The following COL14A1 variants were observed in gnomAD, a reference collection of about 807,000 sequenced individuals.
The protein encoded by COL14A1 is collagen type XIV alpha 1 chain, also known as collagen alpha-1(XIV) chain.
A neutral mutation model predicts 230.3 loss-of-function variants in COL14A1; 136 were observed. The ratio of observed to expected loss-of-function variants is 0.59; its 90% CI spans 0.51 to 0.68. The LOEUF (loss-of-function observed/expected upper bound fraction) is 0.68. COL14A1 is among the 30% of genes least tolerant of loss of function. The pLI is 0.00. For synonymous variants in COL14A1, 792 were observed against 784.1 expected, an observed-to-expected ratio of 1.01 and a Z score of -0.17; for missense variants, 1,976 against 2,215.8, an observed-to-expected ratio of 0.89 and a Z score of 2.17.
chr8:120,328,746 G>A (rs914464728), intron 40 of COL14A1, among the ~76,000 whole-genome samples: 13 of 152,208 alleles, frequency 8.5e-5, no homozygotes, highest in Non-Finnish European at 1.9e-4. Flanking sequence ...ATGATTGGGA[G>A]AGGGGATAAA....
At chr8:120,203,630 G>T (rs898270467) in intron 8 of COL14A1, 79 bp from the exon 9 acceptor site, 3 of 1,353,816 alleles carry the variant, frequency 2.2e-6, no homozygotes, top group Non-Finnish European at 3.1e-6. Flanking sequence ...TGACTGACTG[G>T]GTCAGATCAG....
At chr8:120,244,079 C>A in intron 20 of COL14A1, 71 bp downstream of exon 20, 1 of 1,530,066 alleles carries the variant, frequency 6.5e-7, no homozygotes, top group Non-Finnish European at 8.9e-7. Flanking sequence ...CTGTAATGCA[C>A]CCTGAAAGAT....
At chr8:120,303,617 G>A (rs1204012173) in intron 36 of COL14A1, among the ~76,000 whole-genome samples, 3 of 152,258 alleles carry the variant, frequency 2.0e-5, no homozygotes, top group Non-Finnish European at 2.9e-5. Context: ...GCTTTTTGAT[G>A]TGCTGCTGGA....
At chr8:120,151,074 A>G (rs1253258286) in intron 2 of COL14A1, among the ~76,000 whole-genome samples, 1 of 152,136 alleles carries the variant, frequency 6.6e-6, no homozygotes, top group Admixed American at 6.5e-5. Flanking sequence ...AGAAATTTTC[A>G]AGAAGGAAGA....
chr8:120,316,692 C>T (rs187721233), intron 40 of COL14A1, among the ~76,000 whole-genome samples: 67 of 152,098 alleles, frequency 4.4e-4, no homozygotes, highest in Admixed American at 2.1e-3. Flanking sequence ...AAGAAGACTT[C>T]TCAGAGGAAG....
chr8:120,244,128 C>A, intron 20 of COL14A1, 120 bp downstream of exon 20: 2 of 1,201,302 alleles, frequency 1.7e-6, no homozygotes, highest in South Asian at 1.5e-5. Flanking sequence ...GATTTGGGAA[C>A]AGGAAATCTG....
intron 14 of COL14A1, among the ~76,000 whole-genome samples, chr8:120,222,118 G>A (rs1417223595): frequency 6.6e-6 from 1 of 152,108 alleles, no homozygotes; most frequent in African/African-American, 2.4e-5. Flanking sequence ...TTCCCCTTGG[G>A]CAAGTTCCTT....
At chr8:120,179,346 A>T (rs748901390) in intron 5 of COL14A1, among the ~76,000 whole-genome samples, 4 of 152,168 alleles carry the variant, frequency 2.6e-5, no homozygotes, top group Non-Finnish European at 5.9e-5. Context: ...CAAAGTCTCA[A>T]GATACAAAAT....
At chr8:120,216,036 G>C (rs1310007766) in intron 13 of COL14A1, among the ~76,000 whole-genome samples, 5 of 152,166 alleles carry the variant, frequency 3.3e-5, no homozygotes, top group Non-Finnish European at 7.3e-5. Context: ...AAGTTACTTT[G>C]TTTTTAATCC....
At chr8:120,317,124 G>C (rs943752543) in intron 40 of COL14A1, among the ~76,000 whole-genome samples, 1 of 152,108 alleles carries the variant, frequency 6.6e-6, no homozygotes, top group Non-Finnish European at 1.5e-5. Flanking sequence ...GGATTATATA[G>C]AGTGGCGACC....
chr8:120,155,570 A>C (rs1233968287), intron 2 of COL14A1, among the ~76,000 whole-genome samples: 1 of 152,080 alleles, frequency 6.6e-6, no homozygotes, highest in Non-Finnish European at 1.5e-5. Context: ...TAATGGAATC[A>C]ATGATTCTCT....
At chr8:120,298,594 A>ATTTTTT (rs1255668649) in intron 35 of COL14A1, among the ~76,000 whole-genome samples, 1 of 59,110 alleles carries the variant, frequency 1.7e-5, no homozygotes, top group Non-Finnish European at 3.1e-5. Context: ...ATACCCATAT[A>ATTTTTT]TTTTATATAT....
intron 19 of COL14A1, among the ~76,000 whole-genome samples, chr8:120,236,222 G>A (rs1030815347): frequency 6.6e-6 from 1 of 152,174 alleles, no homozygotes; most frequent in Non-Finnish European, 1.5e-5. Context: ...GGGTGTTAAA[G>A]TTTCCTACTA....
At chr8:120,200,768 A>ATATATATATATATATT (rs1817224987) in intron 8 of COL14A1, among the ~76,000 whole-genome samples, 1 of 77,986 alleles carries the variant, frequency 1.3e-5, no homozygotes, top group African/African-American at 4.4e-5. Context: ...TATATATATT[A>ATATATATATATATATT]TTTTTCATCA....
chr8:120,338,914 G>C (rs1404458607), intron 42 of COL14A1, among the ~76,000 whole-genome samples: 1 of 152,158 alleles, frequency 6.6e-6, no homozygotes, highest in Non-Finnish European at 1.5e-5. Flanking sequence ...TTAGAGATCT[G>C]TCCATTTGTG....
intron 1 of COL14A1, among the ~76,000 whole-genome samples, chr8:120,136,546 T>C (rs112330928): frequency 3.9e-5 from 6 of 152,330 alleles, no homozygotes; most frequent in African/African-American, 1.4e-4. Context: ...TGGTCATCAT[T>C]ATTATTATTT....
chr8:120,198,042 T>G, intron 7 of COL14A1, 112 bp downstream of exon 7: 1 of 1,057,410 alleles, frequency 9.5e-7, no homozygotes, highest in Non-Finnish European at 1.4e-6. Flanking sequence ...AAACTAGCAC[T>G]TAGGATTCTT....
intron 3 of COL14A1, among the ~76,000 whole-genome samples, chr8:120,159,978 T>C (rs190454557): frequency 6.6e-6 from 1 of 152,236 alleles, no homozygotes; most frequent in African/African-American, 2.4e-5. Flanking sequence ...AGGTGTGAGC[T>C]ATCACGCCCA....
Position 120,278,497 on chromosome 8 carries a change from A to G in COL14A1, c.3400A>G (p.Ile1134Val), listed in dbSNP as rs762732601. 2 of 1,613,154 alleles carry G rather than the reference A, an allele frequency of 1.2e-6. No homozygotes were observed. Among genetic ancestry groups the G allele is most frequent in the Non-Finnish European group, 1.7e-6 (2 of 1,179,544 alleles). Residue 1134 changes from isoleucine to valine, a missense_variant, in exon 28 of 48, where the codon ATC becomes GTC. By Grantham distance (29) the Ile-to-Val change is conservative. Transcript: ENST00000297848. ...TGCAGAGTCAGGTACAAGAAGGGGC[A>G]TCCCAAAGGTTATCGTGGTTATAAC... Reference protein sequence around the residue: ...FTAESGTRRGIPKVIVVITDG... With the variant: ...FTAESGTRRGVPKVIVVITDG...
Sources: allele counts gnomAD v4.1 joint callset (sites outside exome capture counted in the v4.1 genomes callset), GRCh38; gene constraint gnomAD v4.1.1; transcripts MANE v1.5; gene names NCBI Gene and HGNC (gene_info 2026-07-23, HGNC 2026-07-21).